Variants in SNRK observed in about 807,000 individuals in gnomAD.
SNRK encodes SNF-related serine/threonine-protein kinase.
SNRK carries 3 observed loss-of-function variants against 48.2 expected under a neutral mutation model. That is an observed-to-expected ratio of 0.06 (90% confidence interval 0.03 to 0.16). SNRK has a LOEUF of 0.16. Ranked by LOEUF, SNRK falls within the 10% of genes least tolerant of loss-of-function variation. SNRK has a pLI of 1.00. For missense variants in SNRK, 627 were observed against 976.0 expected, an observed-to-expected ratio of 0.64 and a Z score of 4.76; for synonymous variants, 376 against 366.1, an observed-to-expected ratio of 1.03 and a Z score of -0.31.
rs138158411 is a variant in SNRK, at chr3:43,287,321, C to T, written c.-169+646C>T. Among the ~76,000 whole-genome samples, 1,399 of 152,260 alleles carry T rather than the reference C, an allele frequency of 9.2e-3. 9 individuals carry two copies. The highest frequency in any genetic ancestry group is 0.027 in the Middle Eastern group (8 of 294). Reference sequence around the variant, plus strand: ...TTCCATAGTCATCGCCTGTTGATTTCTTTCTGGTCCATTTTACAGGGACCT... The same window carrying T: ...TTCCATAGTCATCGCCTGTTGATTTTTTTCTGGTCCATTTTACAGGGACCT... On this transcript the variant is annotated intron_variant, in intron 1 of 6. Coordinates refer to ENST00000296088, the MANE Select transcript of SNRK (RefSeq NM_017719.5).
chr3:43,299,837 A>C (rs1575533489), intron 2 of SNRK, 22 bp downstream of exon 2: 1 of 152,620 alleles, frequency 6.6e-6, no homozygotes, highest in African/African-American at 2.4e-5. Flanking sequence ...AGACAGTACA[A>C]ATTCACCTTT....
chr3:43,347,840 C>T lies in SNRK; in HGVS notation c.1581C>T (p.His527=), dbSNP rs2091289190. The change falls in exon 7 of 7, where the codon CAC becomes CAT. Residue 527 remains histidine (H), a synonymous_variant. Coordinates refer to ENST00000296088, the MANE Select transcript of SNRK (RefSeq NM_017719.5). This position sits in a 1 kb window ranked among gnomAD's most constrained non-coding sequence, Gnocchi z 5.4. ...CAGGTACAGTTCACAAACGCTACCA[C>T]CGGAGGAAAAGTCAGGGCCGGGGCT... is the stretch of plus-strand genomic sequence containing the variant. ...ASPGTVHKRY[H]RRKSQGRGSS... The T allele has an allele frequency of 6.2e-7, 1 of 1,614,002 alleles. No homozygotes were observed. Among genetic ancestry groups the T allele is most frequent in the Admixed American group, 1.7e-5 (1 of 59,998 alleles).
chr3:43,309,821 G>T (rs1341769638), intron 3 of SNRK, among the ~76,000 whole-genome samples: 1 of 151,898 alleles, frequency 6.6e-6, no homozygotes, highest in Non-Finnish European at 1.5e-5. Flanking sequence ...TTACTATGTT[G>T]CCTGGGCTGG....
At chr3:43,344,636 C>T (rs991528077) in intron 6 of SNRK, among the ~76,000 whole-genome samples, 5 of 152,030 alleles carry the variant, frequency 3.3e-5, no homozygotes, top group Non-Finnish European at 7.4e-5. Context: ...AATTTAGTAA[C>T]TTTATTCATA....
chr3:43,322,767 A>G (rs2091063618), intron 3 of SNRK, among the ~76,000 whole-genome samples: 1 of 152,028 alleles, frequency 6.6e-6, no homozygotes, highest in South Asian at 2.1e-4. Context: ...CCTGGCTAAC[A>G]TGGTGAAACC....
At chr3:43,296,136 A>G (rs61619135) in intron 1 of SNRK, among the ~76,000 whole-genome samples, 1,576 of 152,194 alleles carry the variant, frequency 0.01, 25 homozygotes, top group African/African-American at 0.035. Flanking sequence ...TGGAAGACTT[A>G]GTTTACTGTC....
At chr3:43,317,367 G>A (rs1234155100) in intron 3 of SNRK, among the ~76,000 whole-genome samples, 4 of 152,190 alleles carry the variant, frequency 2.6e-5, no homozygotes, top group Non-Finnish European at 4.4e-5. Flanking sequence ...GTCGGGAATT[G>A]CAGTGGGGAG....
chr3:43,287,068 C>G (rs1178012699), intron 1 of SNRK, among the ~76,000 whole-genome samples: 1 of 151,050 alleles, frequency 6.6e-6, no homozygotes, highest in South Asian at 2.1e-4. Context: ...CGGGGCCCCG[C>G]GCCCTGGGCG....
chr3:43,292,404 ATTT>A (rs1311190861), intron 1 of SNRK, among the ~76,000 whole-genome samples: 1 of 152,244 alleles, frequency 6.6e-6, no homozygotes. Flanking sequence ...TTTCCTGTGC[ATTT>A]TTTATTCTTT....
rs1365928663 is a variant in SNRK at position 43,347,137 on chromosome 3, CA to C, written c.1080-199del. The C allele has an allele frequency of 2.0e-6, 1 of 501,242 alleles. No homozygotes were observed. The highest frequency in any genetic ancestry group is 3.7e-5 in the Admixed American group (1 of 26,764). 31.0% of individuals were successfully genotyped at this position (501,242 alleles called of 1,614,324 possible). On this transcript the variant is annotated intron_variant, in intron 6 of 6. Coordinates refer to ENST00000296088, the MANE Select transcript of SNRK (RefSeq NM_017719.5). This position sits in a 1 kb window ranked among gnomAD's most constrained non-coding sequence, Gnocchi z 5.4. ...AAGTTTTCACTTGGCCAATAAGCCA[CA>C]AACTGAACCATGTTTCAAAACCACA... is the stretch of plus-strand genomic sequence containing the variant.
At chr3:43,309,329 G>T (rs925994174) in intron 3 of SNRK, among the ~76,000 whole-genome samples, 1 of 152,156 alleles carries the variant, frequency 6.6e-6, no homozygotes, top group East Asian at 1.9e-4. Context: ...CAGTGGCAGG[G>T]TTTGAGAGAA....
At chr3:43,290,018 G>T (rs1282299636) in intron 1 of SNRK, among the ~76,000 whole-genome samples, 5 of 152,174 alleles carry the variant, frequency 3.3e-5, no homozygotes, top group Admixed American at 1.3e-4. Context: ...ACCGTTTAAT[G>T]TAGGTTATGA....
intron 3 of SNRK, among the ~76,000 whole-genome samples, chr3:43,328,177 G>A: frequency 6.6e-6 from 1 of 151,880 alleles, no homozygotes; most frequent in East Asian, 1.9e-4. Flanking sequence ...TTATAATAAG[G>A]TCCCCTGTAC....
At chr3:43,305,211 G>A (rs896920540) in intron 3 of SNRK, among the ~76,000 whole-genome samples, 8 of 152,244 alleles carry the variant, frequency 5.3e-5, no homozygotes, top group African/African-American at 1.9e-4. Context: ...GCAATATCTG[G>A]TAAAGGTAAA....
At chr3:43,313,020 G>A (rs2090990047) in intron 3 of SNRK, among the ~76,000 whole-genome samples, 1 of 152,128 alleles carries the variant, frequency 6.6e-6, no homozygotes. Flanking sequence ...TCAAAACTCT[G>A]CAGGGGTTTT....
At chr3:43,326,998 A>G (rs2091101493) in intron 3 of SNRK, among the ~76,000 whole-genome samples, 1 of 152,186 alleles carries the variant, frequency 6.6e-6, no homozygotes, top group African/African-American at 2.4e-5. Flanking sequence ...AAACTTGTCC[A>G]AGTTCTTCAT....
chr3:43,329,421 G>C (rs2091128735), intron 3 of SNRK, among the ~76,000 whole-genome samples: 1 of 151,524 alleles, frequency 6.6e-6, no homozygotes, highest in South Asian at 2.1e-4. Flanking sequence ...CTGGGTGACA[G>C]AGCGAGACTC....
chr3:43,328,488 A>C (rs1409957946), intron 3 of SNRK, among the ~76,000 whole-genome samples: 8 of 152,040 alleles, frequency 5.3e-5, no homozygotes. Flanking sequence ...CTCCCACCTT[A>C]GGCTTCCTGC....
rs774409595 is a variant in SNRK, at chr3:43,303,403, T to C, written c.200T>C (p.Met67Thr). 6.2e-7 allele frequency: 1 copy of C among 1,614,138 alleles called. No individual in the cohort carries two copies. The highest frequency in any genetic ancestry group is 2.2e-5 in the East Asian group (1 of 44,878). The part of the protein sequence containing the change: ...TGHLFQEVRC[M>T]KLVQHPNIVR... ...CATCTTTTCCAGGAAGTGAGATGCATGAAACTAGTGCAGCATCCTAACATC... is the reference window on the plus strand; with the variant it reads ...CATCTTTTCCAGGAAGTGAGATGCACGAAACTAGTGCAGCATCCTAACATC... The change falls in exon 3 of 7, where the codon ATG (methionine) becomes ACG (threonine). Residue 67 changes from methionine (M) to threonine (T), a missense_variant. Physicochemically the swap from Met to Thr is moderately conservative, Grantham distance 81. Around this residue, in one of 4 missense-constraint regions of SNRK, gnomAD observed 147 missense variants for 356.8 expected, o/e 0.41. Transcript: ENST00000296088. The surrounding 1 kb of genome is among the most constrained non-coding windows in gnomAD (Gnocchi z 6.2).
Sources: allele counts gnomAD v4.1 joint callset (sites outside exome capture counted in the v4.1 genomes callset), GRCh38; gene constraint gnomAD v4.1.1; regional missense constraint gnomAD v4.1.1; non-coding constraint Gnocchi (gnomAD v3.1); transcripts MANE v1.5; gene names NCBI Gene and HGNC (gene_info 2026-07-23, HGNC 2026-07-21).